Variants in EIF4G3 observed in about 807,000 individuals in gnomAD.
The protein encoded by EIF4G3 is eukaryotic translation initiation factor 4 gamma 3.
A neutral mutation model predicts 186.4 loss-of-function variants in EIF4G3; 34 were observed. That is an observed-to-expected ratio of 0.18 (90% CI 0.14 to 0.24). The LOEUF (loss-of-function observed/expected upper bound fraction) is 0.24, where lower values mean the gene tolerates loss of function less well. Ranked by LOEUF, EIF4G3 falls within the 10% of genes least tolerant of loss-of-function variation. The pLI, the probability that EIF4G3 is intolerant of heterozygous loss-of-function variation, is 1.00. For synonymous variants in EIF4G3, 673 were observed against 679.5 expected (o/e 0.99, Z 0.15); for missense variants, 1,536 against 1,948.5 (o/e 0.79, Z 3.99).
intron 12 of EIF4G3, 124 bp from the exon 13 acceptor site, chr1:20,950,235 C>A: frequency 3.5e-6 from 2 of 568,776 alleles, no homozygotes; most frequent in Non-Finnish European, 5.7e-6. Flanking sequence ...AAAAGGAAAG[C>A]AAGGAAAAAA....
chr1:20,942,015 T>A lies in EIF4G3; in HGVS notation c.1139A>T (p.Asp380Val). The change falls in exon 14 of 37, where the codon GAC (aspartate) becomes GTC (valine). Residue 380 changes from aspartate (D) to valine (V), a missense_variant. Transcript: ENST00000602326. ...ATCATTTTCATTTGTTGGTAAAGGGTCTGATGTTTCTGTGCAAGATGTGAG... is the reference window on the plus strand; with the variant it reads ...ATCATTTTCATTTGTTGGTAAAGGGACTGATGTTTCTGTGCAAGATGTGAG... ...PSLTSCTETSDPLPTNENDDD... is the reference protein window; with the variant it reads ...PSLTSCTETSVPLPTNENDDD... The A allele has an allele frequency of 6.2e-7, 1 of 1,614,158 alleles. No individual in the cohort carries two copies. Among genetic ancestry groups the A allele is most frequent in the Non-Finnish European group, 8.5e-7 (1 of 1,180,020 alleles).
At chr1:21,118,512 C>T (rs1268823459) in intron 2 of EIF4G3, among the ~76,000 whole-genome samples, 2 of 152,060 alleles carry the variant, frequency 1.3e-5, no homozygotes, top group Non-Finnish European at 2.9e-5. Context: ...TTGGGCCCGG[C>T]GCAGTGGTCC....
At chr1:21,122,583 G>A (rs779966373) in intron 2 of EIF4G3, among the ~76,000 whole-genome samples, 2 of 152,090 alleles carry the variant, frequency 1.3e-5, no homozygotes, top group Non-Finnish European at 2.9e-5. Flanking sequence ...CACACACCTA[G>A]TGTTTTAATA....
In EIF4G3 at chr1:21,176,225, GACCGCTGCCGCC is replaced by G. The variant is rs1163752141; in HGVS notation, c.-334_-323del. The stretch of plus-strand genomic sequence containing the variant: ...CCCTGATGTTCGGGTGAGGAGGGGG[GACCGCTGCCGCC>G]GCCGCCGCCGCCGCCGCCGCCGCCG... On this transcript the variant is annotated 5_prime_UTR_variant, in exon 2 of 37. Coordinates refer to ENST00000602326, the MANE Select transcript of EIF4G3 (RefSeq NM_001391906.1). 6 of 414,912 alleles carry G rather than the reference GACCGCTGCCGCC, an allele frequency of 1.4e-5. No individual in the cohort carries two copies. The highest frequency in any genetic ancestry group is 2.2e-5 in the African/African-American group (1 of 45,192). The allele number at this position is 414,912 out of a possible 1,614,324, so 25.7% of individuals were successfully genotyped here.
intron 35 of EIF4G3, among the ~76,000 whole-genome samples, chr1:20,811,876 TAG>T (rs2059314870): frequency 6.6e-6 from 1 of 151,894 alleles, no homozygotes; most frequent in South Asian, 2.1e-4. Flanking sequence ...AAAGCAACAT[TAG>T]AAAAGGAAAT....
intron 4 of EIF4G3, among the ~76,000 whole-genome samples, chr1:21,036,732 T>C (rs1309079884): frequency 2.0e-5 from 3 of 151,914 alleles, no homozygotes. Flanking sequence ...AATACAAAAA[T>C]TAGCCAGGTG....
At chr1:20,841,598 T>C (rs1374961561) in intron 29 of EIF4G3, among the ~76,000 whole-genome samples, 4 of 152,208 alleles carry the variant, frequency 2.6e-5, no homozygotes, top group Admixed American at 2.6e-4. Context: ...TAAATTTAAG[T>C]GATATGGTTA....
At chr1:20,952,296 A>G (rs759366777) in intron 12 of EIF4G3, among the ~76,000 whole-genome samples, 6 of 151,920 alleles carry the variant, frequency 3.9e-5, no homozygotes, top group Non-Finnish European at 8.8e-5. Flanking sequence ...CTGGGGCTAC[A>G]GGTGTGCGCC....
chr1:20,897,590 G>C (rs2088718281), intron 16 of EIF4G3, among the ~76,000 whole-genome samples: 1 of 151,986 alleles, frequency 6.6e-6, no homozygotes, highest in Non-Finnish European at 1.5e-5. Context: ...ATTACTTCCT[G>C]ATAGCAGATT....
intron 4 of EIF4G3, among the ~76,000 whole-genome samples, chr1:21,020,857 G>A (rs1220661694): frequency 6.6e-6 from 1 of 152,124 alleles, no homozygotes; most frequent in East Asian, 1.9e-4. Context: ...TATAGAAAGG[G>A]TACGTATTTC....
intron 2 of EIF4G3, among the ~76,000 whole-genome samples, chr1:21,125,516 C>T (rs1464490961): frequency 6.6e-6 from 1 of 151,628 alleles, no homozygotes; most frequent in Non-Finnish European, 1.5e-5. Flanking sequence ...GTCAGGAGTT[C>T]GAGACCAGCC....
intron 2 of EIF4G3, among the ~76,000 whole-genome samples, chr1:21,113,967 G>T (rs1375283739): frequency 6.6e-6 from 1 of 152,166 alleles, no homozygotes; most frequent in Non-Finnish European, 1.5e-5. Flanking sequence ...AATGAGCCAT[G>T]ATCACAGCAC....
intron 4 of EIF4G3, among the ~76,000 whole-genome samples, chr1:21,024,246 G>T (rs369546473): frequency 6.9e-6 from 1 of 145,970 alleles, no homozygotes; most frequent in Non-Finnish European, 1.5e-5. Context: ...CCGGCCAGCC[G>T]CCCCGTCCGG....
At chr1:21,158,153 T>C (rs951460591) in intron 2 of EIF4G3, among the ~76,000 whole-genome samples, 1 of 151,574 alleles carries the variant, frequency 6.6e-6, no homozygotes, top group Non-Finnish European at 1.5e-5. Flanking sequence ...AAACTCTCTC[T>C]TTAACAAATA....
chr1:21,126,558 G>T (rs1414888741), intron 2 of EIF4G3, among the ~76,000 whole-genome samples: 7 of 151,900 alleles, frequency 4.6e-5, no homozygotes, highest in Non-Finnish European at 8.8e-5. Context: ...CCCGAGAATG[G>T]CATGGGAGGA....
intron 3 of EIF4G3, among the ~76,000 whole-genome samples, chr1:21,057,780 T>C (rs1488486876): frequency 6.6e-6 from 1 of 152,132 alleles, no homozygotes; most frequent in African/African-American, 2.4e-5. Flanking sequence ...ACTGTTACTC[T>C]GCATAGAAGA....
At chr1:20,966,433 A>G (rs558211808) in intron 12 of EIF4G3, among the ~76,000 whole-genome samples, 2 of 152,110 alleles carry the variant, frequency 1.3e-5, no homozygotes, top group South Asian at 4.2e-4. Context: ...TTTTTTACAC[A>G]TAACTAAACA....
chr1:20,957,077 A>G (rs2096448745), intron 12 of EIF4G3, among the ~76,000 whole-genome samples: 1 of 152,182 alleles, frequency 6.6e-6, no homozygotes, highest in African/African-American at 2.4e-5. Flanking sequence ...CACTGACCTG[A>G]CAAGACAATA....
chr1:21,176,502 G>C (rs1202612204), intron 1 of EIF4G3, 144 bp from the exon 2 acceptor site: 1 of 161,130 alleles, frequency 6.2e-6, no homozygotes, highest in African/African-American at 2.5e-5. Context: ...GGCGGCGGGA[G>C]CGGGGGGCTG....
Sources: gnomAD v4.1 joint callset for allele counts (sites outside exome capture counted in the v4.1 genomes callset) on GRCh38, gnomAD v4.1.1 for gene constraint, MANE v1.5 for transcripts, NCBI Gene and HGNC (gene_info 2026-07-23, HGNC 2026-07-21) for gene names.